UAP1L1: variants seen among roughly 807,000 people sequenced by gnomAD.
The protein encoded by UAP1L1 is UDP-N-acetylhexosamine pyrophosphorylase-like protein 1.
Under a neutral mutation model 45.3 loss-of-function variants are expected in UAP1L1, and 45 were observed. The ratio of observed to expected loss-of-function variants is 0.99; its 90% CI spans 0.78 to 1.27. The LOEUF (loss-of-function observed/expected upper bound fraction) is 1.27. Among genes scored for constraint, UAP1L1 ranks in the 50% most tolerant of loss-of-function variants. UAP1L1 has a pLI of 0.00. For missense variants in UAP1L1, 667 were observed against 694.0 expected (o/e 0.96, Z 0.44); for synonymous variants, 323 against 303.9 (o/e 1.06, Z -0.65).
rs766312796 is a variant in UAP1L1, at chr9:137,080,045, G to A, written c.1081G>A (p.Val361Ile). ...GAAGCCACACGTGGCTGTGAAGAAG[G>A]TCCCGTATGTGGATGAGGAGGGGAA... ...LLKPHVAVKK[V>I]PYVDEEGNLV... The change falls in exon 6 of 9, where the codon GTC becomes ATC. Residue 361 changes from valine (V) to isoleucine (I), a missense_variant. Val to Ile is a conservative substitution (Grantham distance 29, BLOSUM62 3). Coordinates refer to ENST00000409858, the MANE Select transcript of UAP1L1 (RefSeq NM_207309.3). The A allele has an allele frequency of 4.3e-6, 7 of 1,614,154 alleles. No homozygotes were observed. In the Admixed American group the frequency reaches 1.0e-4, roughly 23 times the overall value.
intron 6 of UAP1L1, 185 bp downstream of exon 6, chr9:137,080,327 A>G: frequency 1.4e-6 from 1 of 709,666 alleles, no homozygotes; most frequent in Non-Finnish European, 2.4e-6. Flanking sequence ...GTGGGGGCAT[A>G]GGGAGTCCTT....
chr9:137,077,800 C>T lies in UAP1L1; in HGVS notation c.268C>T (p.Arg90Trp). Residue 90 changes from arginine to tryptophan, a missense_variant, in exon 1 of 9, where the codon CGG becomes TGG. Transcript: ENST00000409858. The surrounding 1 kb of genome is among the most constrained non-coding windows in gnomAD (Gnocchi z 4.7). ...GRASRSDPETRRRWEEEGFRQ... is the reference protein window; with the variant it reads ...GRASRSDPETWRRWEEEGFRQ... ...GGCCAGCCGCAGCGACCCCGAGACACGGCGGCGCTGGGAGGAGGAAGGTAA... is the reference window on the plus strand; with the variant it reads ...GGCCAGCCGCAGCGACCCCGAGACATGGCGGCGCTGGGAGGAGGAAGGTAA... 1 of 1,385,302 alleles carries T rather than the reference C, an allele frequency of 7.2e-7. No homozygotes were observed. The highest frequency in any genetic ancestry group is 9.3e-7 in the Non-Finnish European group (1 of 1,074,072). The allele number at this position is 1,385,302 out of a possible 1,614,324, so 85.8% of individuals were successfully genotyped here. A position where few individuals can be genotyped will look rare whatever the true frequency, so the allele number is the denominator to read the frequency against.
At position 137,082,838 on chromosome 9, in the gene UAP1L1, C is replaced by T. The variant is rs1832813242; in HGVS notation, c.*109C>T. The T allele has an allele frequency of 3.5e-6, 3 of 865,126 alleles. No individual in the cohort carries two copies. Among genetic ancestry groups the T allele is most frequent in the East Asian group, 2.7e-5 (1 of 37,438 alleles). 53.6% of individuals were successfully genotyped at this position (865,126 alleles called of 1,614,324 possible). On this transcript the variant is annotated 3_prime_UTR_variant, in exon 9 of 9. Transcript: ENST00000409858. The surrounding 1 kb of genome is among the most constrained non-coding windows in gnomAD (Gnocchi z 5.7). Reference sequence around the variant, plus strand: ...CCCGGCGTCCTGGAGCTGGGGGCTACAGCCCAGCCTGAGCTCTGGGTGGGA... The same window carrying T: ...CCCGGCGTCCTGGAGCTGGGGGCTATAGCCCAGCCTGAGCTCTGGGTGGGA...
Position 137,080,790 on chromosome 9 carries a change from T to G in UAP1L1, c.1280T>G (p.Leu427Arg). 1 of 1,612,530 alleles carries G rather than the reference T, an allele frequency of 6.2e-7. No homozygotes were observed. Among genetic ancestry groups the G allele is most frequent in the Non-Finnish European group, 8.5e-7 (1 of 1,179,920 alleles). Residue 427 changes from leucine (L) to arginine (R), a missense_variant, in exon 7 of 9, where the codon CTG (leucine) becomes CGG (arginine). Transcript: ENST00000409858. Reference protein sequence around the residue: ...RDSPRTARQALLTQHYRWALR... With the variant: ...RDSPRTARQARLTQHYRWALR... ...AGTCCCCGCACCGCTCGCCAGGCCC[T>G]GCTCACCCAGCACTACCGGTGGGCT...
rs1168838488 is a variant in UAP1L1 at position 137,077,569 on chromosome 9, C to T, written c.37C>T (p.Arg13Cys). Residue 13 changes from arginine (R) to cysteine (C), a missense_variant, in exon 1 of 9, where the codon CGC (arginine) becomes TGC (cysteine). Arg to Cys is a radical substitution (Grantham distance 180, BLOSUM62 -3). Transcript: ENST00000409858. This position sits in a 1 kb window ranked among gnomAD's most constrained non-coding sequence, Gnocchi z 4.7. ...SEQDVRARLQ[R>C]AGQEHLLRFW... Reference sequence around the variant, plus strand: ...GCAGGACGTGCGCGCCCGGCTGCAGCGCGCTGGCCAGGAGCACCTCCTGCG... The same window carrying T: ...GCAGGACGTGCGCGCCCGGCTGCAGTGCGCTGGCCAGGAGCACCTCCTGCG... 13 of 1,394,472 alleles carry T rather than the reference C, an allele frequency of 9.3e-6. No individual in the cohort carries two copies. The Admixed American group carries it at 2.2e-4, about 23-fold the overall frequency. 86.4% of individuals were successfully genotyped at this position (1,394,472 alleles called of 1,614,324 possible).
chr9:137,077,733 G>A lies in UAP1L1; in HGVS notation c.201G>A (p.Leu67=). Residue 67 remains leucine, a synonymous_variant, in exon 1 of 9, where the codon TTG becomes TTA. Transcript: ENST00000409858. The surrounding 1 kb of genome is among the most constrained non-coding windows in gnomAD (Gnocchi z 4.7). ...CARPHGPPPD[L]AARLRPLPPE... ...GCCCCCACGGCCCGCCGCCCGACTT[G>A]GCCGCGCGCCTGCGGCCCCTGCCCC... 2.5e-6 allele frequency: 3 copies of A among 1,188,666 alleles called. No individual in the cohort carries two copies. Among genetic ancestry groups the A allele is most frequent in the Middle Eastern group, 3.4e-4 (1 of 2,976 alleles). 73.6% of individuals were successfully genotyped at this position (1,188,666 alleles called of 1,614,324 possible).
Position 137,077,978 on chromosome 9 carries a change from C to T in UAP1L1, c.290-72C>T. The T allele has an allele frequency of 6.5e-7, 1 of 1,534,992 alleles. No homozygotes were observed. The highest frequency in any genetic ancestry group is 1.2e-5 in the South Asian group (1 of 83,776). ...CCCCCGAGTCCTGGCGCCCCAGCCC[C>T]AGAGTTGGTTTCCCCTAAAGCGGAA... On this transcript the variant is annotated intron_variant, in intron 1 of 8. Coordinates refer to ENST00000409858, the MANE Select transcript of UAP1L1 (RefSeq NM_207309.3). This position sits in a 1 kb window ranked among gnomAD's most constrained non-coding sequence, Gnocchi z 4.7.
chr9:137,082,179 G>A lies in UAP1L1; in HGVS notation c.1431+115G>A. ...ACAGCTCTACCTCGGTTAACCAATGGGGTCGGTGGTTTAAATTTGCAGAAG... is the reference window on the plus strand; with the variant it reads ...ACAGCTCTACCTCGGTTAACCAATGAGGTCGGTGGTTTAAATTTGCAGAAG... On this transcript the variant is annotated intron_variant, in intron 8 of 8. Coordinates refer to ENST00000409858, the MANE Select transcript of UAP1L1 (RefSeq NM_207309.3). The surrounding 1 kb of genome is among the most constrained non-coding windows in gnomAD (Gnocchi z 5.7). 1 of 1,039,554 alleles carries A rather than the reference G, an allele frequency of 9.6e-7. No individual in the cohort carries two copies. Among genetic ancestry groups the A allele is most frequent in the South Asian group, 1.3e-5 (1 of 78,092 alleles). 64.4% of individuals were successfully genotyped at this position (1,039,554 alleles called of 1,614,324 possible).
In UAP1L1 at chr9:137,082,802, G is replaced by C. The variant is rs114229673; in HGVS notation, c.*73G>C. 842 of 1,307,248 alleles carry C rather than the reference G, an allele frequency of 6.4e-4. 3 individuals carry two copies. The African/African-American group carries it at 0.011, about 18-fold the overall frequency. 81.0% of individuals were successfully genotyped at this position (1,307,248 alleles called of 1,614,324 possible). On this transcript the variant is annotated 3_prime_UTR_variant, in exon 9 of 9. Transcript: ENST00000409858. The surrounding 1 kb of genome is among the most constrained non-coding windows in gnomAD (Gnocchi z 5.7). ...ATCCTGGAAGTCCCGACTCCCCCCAGACCTGCCAGCCCCGGCGTCCTGGAG... is the reference window on the plus strand; with the variant it reads ...ATCCTGGAAGTCCCGACTCCCCCCACACCTGCCAGCCCCGGCGTCCTGGAG...
In UAP1L1 at chr9:137,078,263, T is replaced by G. The variant is rs764490373; in HGVS notation, c.494+9T>G. On this transcript the variant is annotated intron_variant, in intron 2 of 8. Transcript: ENST00000409858. Reference sequence around the variant, plus strand: ...CGCTGCACCGTCCCCTGGTGTGTCCTGCCTGCCCTACCTCGGCCCGGAGGT... The same window carrying G: ...CGCTGCACCGTCCCCTGGTGTGTCCGGCCTGCCCTACCTCGGCCCGGAGGT... The G allele has an allele frequency of 1.6e-4, 245 of 1,534,206 alleles. No homozygotes were observed. The highest frequency in any genetic ancestry group is 9.2e-4 in the Admixed American group (46 of 50,200).
At chr9:137,080,534 A>G in intron 6 of UAP1L1, 155 bp from the exon 7 acceptor site, 1 of 748,048 alleles carries the variant, frequency 1.3e-6, no homozygotes, top group Non-Finnish European at 2.2e-6. Context: ...GCGTCTCAGG[A>G]GCAAAAACAC....
At chr9:137,078,775 G>A in intron 3 of UAP1L1, 98 bp downstream of exon 3, 1 of 1,406,870 alleles carries the variant, frequency 7.1e-7, no homozygotes. Context: ...CCCCGAGGCT[G>A]TGTGGTCCTG....
rs1266853227 is a variant in UAP1L1, at chr9:137,080,728, T to C, written c.1218T>C (p.Phe406=). 3 of 1,612,526 alleles carry C rather than the reference T, an allele frequency of 1.9e-6. No homozygotes were observed. ...AALEVLREEE[F]SPLKNAEPAD... is the part of the protein sequence containing the mutation. ...TGGAAGTGCTGCGGGAGGAGGAATT[T>C]TCCCCACTGAAGAACGCAGAGCCAG... The change falls in exon 7 of 9, where the codon TTT becomes TTC. Residue 406 remains phenylalanine, a synonymous_variant. Coordinates refer to ENST00000409858, the MANE Select transcript of UAP1L1 (RefSeq NM_207309.3).
Position 137,078,052 on chromosome 9 carries a change from T to G in UAP1L1, c.292T>G (p.Phe98Val). 1 of 1,548,944 alleles carries G rather than the reference T, an allele frequency of 6.5e-7. No individual in the cohort carries two copies. Among genetic ancestry groups the G allele is most frequent in the Admixed American group, 2.0e-5 (1 of 51,000 alleles). Residue 98 changes from phenylalanine (F) to valine (V), a missense_variant and splice_region_variant, in exon 2 of 9, where the codon TTC (phenylalanine) becomes GTC (valine). By Grantham distance (50) the Phe-to-Val change is conservative. Transcript: ENST00000409858. ...CTTCACGGCGCCCGTACCCCCAGGT[T>G]TCCGTCAGATTTCTCTGAACAAGGT... ...ETRRRWEEEG[F>V]RQISLNKVAV...
chr9:137,080,427 G>T (rs2131542650), intron 6 of UAP1L1: 1 of 588,390 alleles, frequency 1.7e-6, no homozygotes, highest in East Asian at 2.9e-5. Context: ...TGGCCAGGTT[G>T]CCAGGGCGGC....
At position 137,079,428 on chromosome 9, in the gene UAP1L1, G is replaced by C. The variant is rs1433934052; in HGVS notation, c.1016G>C (p.Gly339Ala). Residue 339 changes from glycine to alanine, a missense_variant, in exon 5 of 9, where the codon GGC becomes GCC. By Grantham distance (60) the Gly-to-Ala change is moderately conservative (BLOSUM62 0). Coordinates refer to ENST00000409858, the MANE Select transcript of UAP1L1 (RefSeq NM_207309.3). ...ATCTGCAACCACTTCTTCACCCGAG[G>C]CTTCCTTAAGGCGGTCACCAGGTGT... Reference protein sequence around the residue: ...GNICNHFFTRGFLKAVTREFE... With the variant: ...GNICNHFFTRAFLKAVTREFE... 6.3e-7 allele frequency: 1 copy of C among 1,596,368 alleles called. No homozygotes were observed. Among genetic ancestry groups the C allele is most frequent in the South Asian group, 1.1e-5 (1 of 90,218 alleles).
At position 137,080,621 on chromosome 9, in the gene UAP1L1, C is replaced by T. The variant is rs186935735; in HGVS notation, c.1179-68C>T. 377 of 1,489,538 alleles carry T rather than the reference C, an allele frequency of 2.5e-4. 1 individual carries two copies. The African/African-American group carries it at 5.0e-3, about 20-fold the overall frequency. The allele number at this position is 1,489,538 out of a possible 1,614,324, so 92.3% of individuals were successfully genotyped here. A position where few individuals can be genotyped will look rare whatever the true frequency, so the allele number is the denominator to read the frequency against. On this transcript the variant is annotated intron_variant, in intron 6 of 8. Coordinates refer to ENST00000409858, the MANE Select transcript of UAP1L1 (RefSeq NM_207309.3). Reference sequence around the variant, plus strand: ...TTCACTCTGTCACTGGAAACCTGGCCCAGCTCTCACCTGCCCGGATCAGGG... The same window carrying T: ...TTCACTCTGTCACTGGAAACCTGGCTCAGCTCTCACCTGCCCGGATCAGGG...
In UAP1L1 at chr9:137,077,691, G is replaced by T; in HGVS notation, c.159G>T (p.Ala53=). 8.7e-7 allele frequency: 1 copy of T among 1,146,014 alleles called. No individual in the cohort carries two copies. Among genetic ancestry groups the T allele is most frequent in the South Asian group, 4.0e-5 (1 of 24,954 alleles). The allele number at this position is 1,146,014 out of a possible 1,614,324, so 71.0% of individuals were successfully genotyped here. Residue 53 remains alanine, a synonymous_variant, in exon 1 of 9, where the codon GCG becomes GCT. Transcript: ENST00000409858. The surrounding 1 kb of genome is among the most constrained non-coding windows in gnomAD (Gnocchi z 4.7). ...CGCTGCGCGAGCACTGCCGGCGGGC[G>T]GCGGAGGCCTGCGCGCGCCCCCACG... ...PEALREHCRR[A]AEACARPHGP...
At position 137,082,675 on chromosome 9, in the gene UAP1L1, C is replaced by T. The variant is rs1472472011; in HGVS notation, c.1470C>T (p.Ser490=). The change falls in exon 9 of 9, where the codon TCC becomes TCT. Residue 490 remains serine (S), a synonymous_variant. Coordinates refer to ENST00000409858, the MANE Select transcript of UAP1L1 (RefSeq NM_207309.3). This position sits in a 1 kb window ranked among gnomAD's most constrained non-coding sequence, Gnocchi z 5.7. ...ACCTGCAAGGCCGGGAGTTCCAGTC[C>T]CCGCTCATCCTGGATGAAGACCAGG... is the stretch of plus-strand genomic sequence containing the variant. The part of the protein sequence containing the change: ...EVYLQGREFQ[S]PLILDEDQAR... 7 of 1,552,260 alleles carry T rather than the reference C, an allele frequency of 4.5e-6. No homozygotes were observed. Among genetic ancestry groups the T allele is most frequent in the Non-Finnish European group, 6.1e-6 (7 of 1,147,474 alleles).
Sources: allele counts gnomAD v4.1 joint callset, GRCh38; gene constraint gnomAD v4.1.1; non-coding constraint Gnocchi (gnomAD v3.1); transcripts MANE v1.5; gene names NCBI Gene and HGNC (gene_info 2026-07-23, HGNC 2026-07-21).